EIF3B: variants seen among roughly 807,000 people sequenced by gnomAD.
EIF3B encodes eukaryotic translation initiation factor 3 subunit B.
EIF3B carries 10 observed loss-of-function variants against 104.6 expected under a neutral mutation model. The ratio of observed to expected loss-of-function variants is 0.10; its 90% confidence interval spans 0.06 to 0.16. The LOEUF (loss-of-function observed/expected upper bound fraction) is 0.16. EIF3B is among the 10% of genes least tolerant of loss of function. The pLI, the probability that EIF3B is intolerant of heterozygous loss-of-function variation, is 1.00. For synonymous variants in EIF3B, 542 were observed against 417.2 expected, an observed-to-expected ratio of 1.30 and a Z score of -3.65; for missense variants, 1,014 against 1,087.9, an observed-to-expected ratio of 0.93 and a Z score of 0.96.
In EIF3B at chr7:2,355,170, GC is replaced by G; in HGVS notation, c.252del (p.Ser85ArgfsTer79). On this transcript the variant is annotated frameshift_variant, in exon 1 of 19. Transcript: ENST00000360876. LOFTEE classifies it high-confidence loss of function. Reference protein sequence around the residue: ...AEAASGPSESPSPPAAEELPG... With the variant: ...AEAASGPSESXSPPAAEELPG... ...AGGCGGCCTCCGGCCCGTCCGAGTCGCCCTCGCCGCCGGCCGCCGAGGAGCT... is the reference window on the plus strand; with the variant it reads ...AGGCGGCCTCCGGCCCGTCCGAGTCGCCTCGCCGCCGGCCGCCGAGGAGCT... 6.9e-7 allele frequency: 1 copy of G among 1,459,062 alleles called. No individual in the cohort carries two copies. The highest frequency in any genetic ancestry group is 2.6e-5 in the Admixed American group (1 of 39,056). 90.4% of individuals were successfully genotyped at this position (1,459,062 alleles called of 1,614,324 possible). A position where few individuals can be genotyped will look rare whatever the true frequency, so the allele number is the denominator to read the frequency against.
intron 2 of EIF3B, among the ~76,000 whole-genome samples, chr7:2,362,369 C>T (rs1050947950): frequency 6.6e-6 from 1 of 152,146 alleles, no homozygotes; most frequent in Non-Finnish European, 1.5e-5. Flanking sequence ...ACGAAACCAT[C>T]GCCACAGTCA....
intron 9 of EIF3B, 133 bp downstream of exon 9, chr7:2,367,178 A>G (rs1583165409): frequency 1.2e-6 from 1 of 851,944 alleles, no homozygotes; most frequent in Non-Finnish European, 1.8e-6. Context: ...CCAGTTCTGG[A>G]GCTTGGGAGC....
At chr7:2,369,355 G>A (rs115449632) in intron 9 of EIF3B, 117 bp from the exon 10 acceptor site, 18 of 1,119,436 alleles carry the variant, frequency 1.6e-5, no homozygotes, top group African/African-American at 6.2e-5. Flanking sequence ...AGCGCTCAGC[G>A]TCAGCTGTGA....
At position 2,379,227 on chromosome 7, in the gene EIF3B, C is replaced by T. The variant is rs1444240777; in HGVS notation, c.2326C>T (p.Leu776=). ...ELYMEQKNER[L]ELRGGVDTDE... is the part of the protein sequence containing the mutation. ...CTATATGGAGCAGAAAAACGAGCGC[C>T]TGGAGTTGCGAGGAGGTAACTTAGA... The change falls in exon 17 of 19, where the codon CTG becomes TTG. Residue 776 remains leucine (L), a synonymous_variant. Coordinates refer to ENST00000360876, the MANE Select transcript of EIF3B (RefSeq NM_001037283.2). The T allele has an allele frequency of 1.2e-6, 2 of 1,612,502 alleles. No individual in the cohort carries two copies. The highest frequency in any genetic ancestry group is 1.7e-5 in the Admixed American group (1 of 59,830).
chr7:2,377,062 A>G lies in EIF3B; in HGVS notation c.2141A>G (p.Gln714Arg). 2 of 1,612,354 alleles carry G rather than the reference A, an allele frequency of 1.2e-6. No individual in the cohort carries two copies. Among genetic ancestry groups the G allele is most frequent in the Non-Finnish European group, 1.7e-6 (2 of 1,178,948 alleles). Residue 714 changes from glutamine to arginine, a missense_variant, in exon 15 of 19, where the codon CAG (glutamine) becomes CGG (arginine). By Grantham distance (43) the Gln-to-Arg change is conservative. Around this residue, in one of 4 missense-constraint regions of EIF3B, gnomAD observed 266 missense variants for 324.0 expected, o/e 0.82. Transcript: ENST00000360876. ...CCCCGGCCTCCCACACTCCTGAGCC[A>G]GGAACAGATCAAGGTCAGCATGCCC... The part of the protein sequence containing the change: ...WRPRPPTLLS[Q>R]EQIKQIKKDL...
At chr7:2,369,121 C>T (rs1349101309) in intron 9 of EIF3B, among the ~76,000 whole-genome samples, 3 of 152,158 alleles carry the variant, frequency 2.0e-5, no homozygotes, top group African/African-American at 7.2e-5. Flanking sequence ...TAGCCAGATC[C>T]GTCAGCCTAA....
At chr7:2,362,228 G>A (rs1207267948) in intron 2 of EIF3B, among the ~76,000 whole-genome samples, 1 of 152,150 alleles carries the variant, frequency 6.6e-6, no homozygotes, top group East Asian at 1.9e-4. Flanking sequence ...CCAAAGTGCT[G>A]GGATTACAGG....
Position 2,375,537 on chromosome 7 carries a change from T to G in EIF3B, c.2028+10T>G, listed in dbSNP as rs750376356. 7 of 1,614,022 alleles carry G rather than the reference T, an allele frequency of 4.3e-6. No homozygotes were observed. Among genetic ancestry groups the G allele is most frequent in the African/African-American group, 1.3e-5 (1 of 75,050 alleles). ...CTGGTGGAGCCATAAGGTGCAGGCC[T>G]GTGGGGCATAGTTTTGACTGTGGAT... On this transcript the variant is annotated intron_variant, in intron 14 of 18. Coordinates refer to ENST00000360876, the MANE Select transcript of EIF3B (RefSeq NM_001037283.2).
intron 1 of EIF3B, among the ~76,000 whole-genome samples, chr7:2,355,853 G>T (rs1038481933): frequency 4.6e-5 from 7 of 152,226 alleles, no homozygotes; most frequent in Admixed American, 3.3e-4. Context: ...CGGAGGAACA[G>T]CTTGTGGCAG....
chr7:2,363,014 A>G (rs2115295102), intron 3 of EIF3B, 56 bp from the exon 4 acceptor site: 2 of 1,590,060 alleles, frequency 1.3e-6, no homozygotes, highest in East Asian at 2.2e-5. Context: ...AGCCCCCACG[A>G]GTTGCTCTTT....
chr7:2,368,365 C>T (rs1259841597), intron 9 of EIF3B, among the ~76,000 whole-genome samples: 2 of 151,132 alleles, frequency 1.3e-5, no homozygotes, highest in East Asian at 2.0e-4. Context: ...AGGCTGGTCT[C>T]GAACTCCTGA....
At chr7:2,379,968 G>T (rs954888709) in intron 18 of EIF3B, 39 of 248,636 alleles carry the variant, frequency 1.6e-4, no homozygotes, top group African/African-American at 8.9e-4. Flanking sequence ...GGGCCTCCGC[G>T]CCTCACAGCA....
At chr7:2,378,371 C>T (rs922350654) in intron 15 of EIF3B, 4 of 263,038 alleles carry the variant, frequency 1.5e-5, no homozygotes, top group South Asian at 4.0e-5. Context: ...AAGGAACAGG[C>T]GAGCGCTCCT....
chr7:2,363,527 A>G, intron 4 of EIF3B, 105 bp from the exon 5 acceptor site: 2 of 1,007,458 alleles, frequency 2.0e-6, no homozygotes, highest in Non-Finnish European at 2.9e-6. Context: ...GTGACTTGGG[A>G]GTTAAGATGT....
intron 3 of EIF3B, 42 bp downstream of exon 3, chr7:2,362,806 C>G (rs1562479023): frequency 1.2e-6 from 2 of 1,612,218 alleles, no homozygotes; most frequent in Non-Finnish European, 1.7e-6. Flanking sequence ...CGTTGACGTG[C>G]AAGTGACTGG....
Position 2,378,594 on chromosome 7 carries a change from G to C in EIF3B, c.2155-95G>C, listed in dbSNP as rs952205173. 5 of 1,079,470 alleles carry C rather than the reference G, an allele frequency of 4.6e-6. No homozygotes were observed. In the African/African-American group the frequency reaches 7.9e-5, roughly 17 times the overall value. 66.9% of individuals were successfully genotyped at this position (1,079,470 alleles called of 1,614,324 possible). On this transcript the variant is annotated intron_variant, in intron 15 of 18. Transcript: ENST00000360876. ...CCTGGGAAGCTGTGTTCTGTGAATG[G>C]CTTTGGGTGTCATGTCATGTTGGCA...
chr7:2,356,234 C>T (rs536675594), intron 1 of EIF3B, among the ~76,000 whole-genome samples: 30 of 152,166 alleles, frequency 2.0e-4, no homozygotes, highest in African/African-American at 6.0e-4. Context: ...ATAAAAATAC[C>T]CTTGCTGATG....
chr7:2,368,395 C>G (rs1780146756), intron 9 of EIF3B, among the ~76,000 whole-genome samples: 6 of 152,186 alleles, frequency 3.9e-5, no homozygotes, highest in Admixed American at 3.9e-4. Flanking sequence ...ATCCGCCTGC[C>G]CGCCTCAGCC....
intron 18 of EIF3B, chr7:2,379,804 C>T: frequency 2.4e-6 from 1 of 408,502 alleles, no homozygotes; most frequent in Non-Finnish European, 4.6e-6. Flanking sequence ...CATGCCTGGC[C>T]ATTTCCTGAT....
Sources: allele counts gnomAD v4.1 joint callset (sites outside exome capture counted in the v4.1 genomes callset), GRCh38; gene constraint gnomAD v4.1.1; regional missense constraint gnomAD v4.1.1; transcripts MANE v1.5; gene names NCBI Gene and HGNC (gene_info 2026-07-23, HGNC 2026-07-21).